SASS6: variants seen among roughly 807,000 people sequenced by gnomAD.
SASS6 encodes SAS-6 centriolar assembly protein.
In SASS6, 59 loss-of-function variants were observed where a neutral mutation model predicts 94.9. The observed-to-expected ratio is 0.62, with a 90% CI of 0.50 to 0.77. The LOEUF (loss-of-function observed/expected upper bound fraction) is 0.77, where lower values mean the gene tolerates loss of function less well. SASS6 is among the 30% of genes least tolerant of loss of function. The pLI is 0.00. For synonymous variants in SASS6, 264 were observed against 270.0 expected (o/e 0.98, Z 0.22); for missense variants, 698 against 734.1 (o/e 0.95, Z 0.57).
chr1:100,120,788 C>T (rs577517414), intron 5 of SASS6, among the ~76,000 whole-genome samples: 110 of 152,230 alleles, frequency 7.2e-4, no homozygotes, highest in African/African-American at 2.5e-3. Flanking sequence ...CGGTGGCTCA[C>T]GCCTGTAGTC....
At chr1:100,109,382 T>TA (rs757902918) in intron 8 of SASS6, among the ~76,000 whole-genome samples, 6 of 152,052 alleles carry the variant, frequency 3.9e-5, no homozygotes, top group African/African-American at 9.7e-5. Flanking sequence ...ATATATTTTC[T>TA]AATAATTCAT....
intron 14 of SASS6, among the ~76,000 whole-genome samples, chr1:100,089,320 GAAC>G (rs1651522080): frequency 6.6e-6 from 1 of 151,904 alleles, no homozygotes; most frequent in Non-Finnish European, 1.5e-5. Context: ...CCAAAAAAGA[GAAC>G]AAAACAGAAA....
rs1305253997 is a variant in SASS6 at position 100,107,469 on chromosome 1, GCTGAATAGTAA to G, written c.1220_1230del (p.Val407AlafsTer7). 1 of 1,605,616 alleles carries G rather than the reference GCTGAATAGTAA, an allele frequency of 6.2e-7. No individual in the cohort carries two copies. The highest frequency in any genetic ancestry group is 1.3e-5 in the African/African-American group (1 of 74,850). On this transcript the variant is annotated frameshift_variant, in exon 11 of 17. Coordinates refer to ENST00000287482, the MANE Select transcript of SASS6 (RefSeq NM_194292.3). LOFTEE classifies it high-confidence loss of function. ...TCCTTCTCAGCCAAGAGTTTTTCTT[GCTGAATAGTAA>G]CTGTATTCTTCAATTTCAACTTACC...
rs183143699 is a variant in SASS6, at chr1:100,125,810, C to T, written c.126+72G>A. The T allele has an allele frequency of 3.2e-4, 262 of 812,448 alleles. 1 individual carries two copies. In the African/African-American group the frequency reaches 4.4e-3, roughly 14 times the overall value. 50.3% of individuals were successfully genotyped at this position (812,448 alleles called of 1,614,324 possible). A position where few individuals can be genotyped will look rare whatever the true frequency, so the allele number is the denominator to read the frequency against. ...AAAATAAATGCAATAAAAGATGTCACATTCTTAAAGAACAAAACTAATTGT... is the reference window on the plus strand; with the variant it reads ...AAAATAAATGCAATAAAAGATGTCATATTCTTAAAGAACAAAACTAATTGT... On this transcript the variant is annotated intron_variant, in intron 2 of 16. Transcript: ENST00000287482.
rs183945439 is a variant in SASS6, at chr1:100,086,082, C to G, written c.1773-452G>C. ...ATTAACACACATTACACAATAAATT[C>G]TGATCAAATTAATACAAATGAGAAA... On this transcript the variant is annotated intron_variant, in intron 15 of 16. Coordinates refer to ENST00000287482, the MANE Select transcript of SASS6 (RefSeq NM_194292.3). 2.9e-5 allele frequency among the ~76,000 whole-genome samples: 4 copies of G among 138,796 alleles called. 1 individual carries two copies. The highest frequency in any genetic ancestry group is 2.8e-4 in the Admixed American group (4 of 14,432). 91.1% of individuals were successfully genotyped at this position (138,796 alleles called of 152,430 possible). A position where few individuals can be genotyped will look rare whatever the true frequency, so the allele number is the denominator to read the frequency against.
intron 4 of SASS6, 79 bp from the exon 5 acceptor site, chr1:100,121,628 T>A: frequency 1.2e-6 from 1 of 816,400 alleles, no homozygotes; most frequent in Non-Finnish European, 2.0e-6. Context: ...CTTCTCTACT[T>A]AAGAAAGCTC....
intron 1 of SASS6, among the ~76,000 whole-genome samples, chr1:100,130,604 C>T (rs544965784): frequency 1.3e-5 from 2 of 151,744 alleles, no homozygotes; most frequent in African/African-American, 4.8e-5. Context: ...TGAGGGGAAC[C>T]CTTGGGCCCA....
intron 2 of SASS6, 46 bp from the exon 3 acceptor site, chr1:100,123,335 CT>C (rs1184704278): frequency 9.0e-6 from 8 of 886,996 alleles, no homozygotes; most frequent in Non-Finnish European, 1.5e-5. Context: ...TAGATCTGGC[CT>C]TTTGAGTAAT....
intron 14 of SASS6, among the ~76,000 whole-genome samples, chr1:100,096,687 A>C (rs1019433393): frequency 3.3e-5 from 5 of 152,266 alleles, no homozygotes; most frequent in Non-Finnish European, 5.9e-5. Context: ...ATTCAATAAA[A>C]AGACAACCTT....
intron 1 of SASS6, among the ~76,000 whole-genome samples, chr1:100,126,773 AAAAAT>A (rs142640225): frequency 0.093 from 14,093 of 152,126 alleles, 711 homozygotes; most frequent in African/African-American, 0.13. Flanking sequence ...CCCTGTCTCA[AAAAAT>A]AAAATAAAAT....
rs1557875741 is a variant in SASS6 at position 100,084,459 on chromosome 1, G to A, written c.*869C>T. 1 of 151,946 alleles carries A rather than the reference G, an allele frequency of 6.6e-6. No individual in the cohort carries two copies. Among genetic ancestry groups the A allele is most frequent in the Non-Finnish European group, 1.5e-5 (1 of 67,904 alleles). 9.4% of individuals were successfully genotyped at this position (151,946 alleles called of 1,614,324 possible). A position where few individuals can be genotyped will look rare whatever the true frequency, so the allele number is the denominator to read the frequency against. The stretch of plus-strand genomic sequence containing the variant: ...GAGAAGAAAATTGTACCTTCTAACA[G>A]TTATTTGTTTTGCCTAGTTTATTAA... On this transcript the variant is annotated 3_prime_UTR_variant, in exon 17 of 17. Transcript: ENST00000287482.
intron 14 of SASS6, among the ~76,000 whole-genome samples, chr1:100,100,096 T>C (rs1652368418): frequency 6.6e-6 from 1 of 151,964 alleles, no homozygotes; most frequent in African/African-American, 2.4e-5. Context: ...TGAAACCCCG[T>C]CTCTACTAAA....
At position 100,083,851 on chromosome 1, in the gene SASS6, A is replaced by AT. The variant is rs1473320851; in HGVS notation, c.*1476dup. 6.6e-6 allele frequency: 1 copy of AT among 152,078 alleles called. No homozygotes were observed. The highest frequency in any genetic ancestry group is 2.4e-5 in the African/African-American group (1 of 41,452). The allele number at this position is 152,078 out of a possible 1,614,324, so 9.4% of individuals were successfully genotyped here. ...AAAGAGAGCTACCTGTATGTCATGC[A>AT]TCCCATCCAAAACATGTCACAATAT... is the stretch of plus-strand genomic sequence containing the variant. On this transcript the variant is annotated 3_prime_UTR_variant, in exon 17 of 17. Transcript: ENST00000287482.
At position 100,107,670 on chromosome 1, in the gene SASS6, C is replaced by T. The variant is rs1458713284; in HGVS notation, c.1104G>A (p.Lys368=). 3 of 1,606,536 alleles carry T rather than the reference C, an allele frequency of 1.9e-6. No individual in the cohort carries two copies. Among genetic ancestry groups the T allele is most frequent in the East Asian group, 2.2e-5 (1 of 44,660 alleles). The change falls in exon 10 of 17, where the codon AAG becomes AAA. Residue 368 remains lysine (K), a synonymous_variant. Coordinates refer to ENST00000287482, the MANE Select transcript of SASS6 (RefSeq NM_194292.3). ...ATAATGATTTTATTGTAGCTTCAAG[C>T]TTTCCTAGTTGTACTTGATTTTTCT... ...NGEKNQVQLG[K]LEATIKSLSA...
chr1:100,091,705 T>C (rs10875279), intron 14 of SASS6, among the ~76,000 whole-genome samples: 10,565 of 139,678 alleles, frequency 0.076, 515 homozygotes, highest in African/African-American at 0.16. Context: ...ATGGGCTTGA[T>C]AGTAGAATGG....
In SASS6 at chr1:100,085,609, T is replaced by C; in HGVS notation, c.1794A>G (p.Glu598=). ...CTTCCCTTTTCTTCAGGTATTTGGA[T>C]TCCAACCCTACATTTTCACCACTTA... ...DKENGENVGL[E]SKYLKKREDS... Residue 598 remains glutamate (E), a synonymous_variant, in exon 16 of 17, where the codon GAA becomes GAG. Transcript: ENST00000287482. The C allele has an allele frequency of 6.2e-7, 1 of 1,610,502 alleles. No individual in the cohort carries two copies. Among genetic ancestry groups the C allele is most frequent in the South Asian group, 1.1e-5 (1 of 90,840 alleles).
At chr1:100,131,396 T>C (rs1332391207) in intron 1 of SASS6, among the ~76,000 whole-genome samples, 1 of 152,142 alleles carries the variant, frequency 6.6e-6, no homozygotes, top group Non-Finnish European at 1.5e-5. Flanking sequence ...AAAAGACTTT[T>C]AAAAGCAGGT....
intron 15 of SASS6, among the ~76,000 whole-genome samples, 172 bp from the exon 16 acceptor site, chr1:100,085,802 A>T (rs1429169742): frequency 1.3e-5 from 2 of 152,188 alleles, no homozygotes; most frequent in Non-Finnish European, 2.9e-5. Context: ...TTTTATACAT[A>T]AACCAAAGTA....
chr1:100,111,093 C>T (rs1372402766), intron 7 of SASS6, among the ~76,000 whole-genome samples: 5 of 151,908 alleles, frequency 3.3e-5, no homozygotes, highest in Non-Finnish European at 7.4e-5. Context: ...TTAACGAACA[C>T]TATGAAATCC....
Sources: gnomAD v4.1 joint callset for allele counts (sites outside exome capture counted in the v4.1 genomes callset) on GRCh38, gnomAD v4.1.1 for gene constraint, MANE v1.5 for transcripts, NCBI Gene and HGNC (gene_info 2026-07-23, HGNC 2026-07-21) for gene names.